The following ZFHX3 variants were observed in gnomAD, a reference collection of about 807,000 sequenced individuals.
ZFHX3 encodes zinc finger homeobox 3, also known as zinc finger homeobox protein 3.
In ZFHX3, 42 loss-of-function variants were observed where a neutral mutation model predicts 279.1. The observed-to-expected ratio is 0.15, with a 90% CI of 0.12 to 0.19. ZFHX3 has a LOEUF of 0.19. ZFHX3 is among the 10% of genes least tolerant of loss of function. The pLI, the probability that ZFHX3 is intolerant of heterozygous loss-of-function variation, is 1.00. For synonymous variants in ZFHX3, 2,293 were observed against 1,957.8 expected (o/e 1.17, Z -4.52); for missense variants, 4,981 against 4,754.0 (o/e 1.05, Z -1.40).
At chr16:73,854,727 CAAA>C (rs60003447) in intron 1 of ZFHX3, among the ~76,000 whole-genome samples, 253 of 59,552 alleles carry the variant, frequency 4.2e-3, no homozygotes, top group Middle Eastern at 0.028. Context: ...CCACCTTCCA[CAAA>C]AAAAAAAAAA....
intron 4 of ZFHX3, among the ~76,000 whole-genome samples, chr16:73,284,024 T>C (rs1177053096): frequency 6.6e-6 from 1 of 151,414 alleles, no homozygotes; most frequent in Non-Finnish European, 1.5e-5. Context: ...GAGAAGAAAA[T>C]AAATATGATC....
chr16:73,589,143 C>A (rs1403413835), intron 2 of ZFHX3, among the ~76,000 whole-genome samples: 1 of 150,754 alleles, frequency 6.6e-6, no homozygotes, highest in Non-Finnish European at 1.5e-5. Context: ...GCCTGTAATC[C>A]CAGCTACTCA....
At chr16:72,809,689 T>A (rs978465197) in intron 7 of ZFHX3, 1 of 152,176 alleles carries the variant, frequency 6.6e-6, no homozygotes, top group East Asian at 1.9e-4. Context: ...CCAAATGGAA[T>A]AGAAAATGCC....
chr16:73,588,702 C>CAAAAAAAA (rs35658515), intron 2 of ZFHX3, among the ~76,000 whole-genome samples: 251 of 56,324 alleles, frequency 4.5e-3, no homozygotes, highest in African/African-American at 0.014. Flanking sequence ...AAACAAAAAA[C>CAAAAAAAA]AAAACAAAAA....
intron 1 of ZFHX3, among the ~76,000 whole-genome samples, chr16:73,029,067 C>CA (rs1392116878): frequency 6.6e-6 from 1 of 152,144 alleles, no homozygotes; most frequent in East Asian, 1.9e-4. Flanking sequence ...GCACCTTCCT[C>CA]AAGCCCAGCA....
chr16:72,923,387 G>C (rs1959251096), intron 3 of ZFHX3, among the ~76,000 whole-genome samples: 1 of 150,708 alleles, frequency 6.6e-6, no homozygotes, highest in Non-Finnish European at 1.5e-5. Context: ...AGAGGCTGCA[G>C]TGAGCTGTGA....
At chr16:72,974,729 A>T (rs1465503290) in intron 1 of ZFHX3, among the ~76,000 whole-genome samples, 1 of 152,230 alleles carries the variant, frequency 6.6e-6, no homozygotes, top group Admixed American at 6.5e-5. Flanking sequence ...TGTAAGGTAG[A>T]GACATTGGTA....
intron 3 of ZFHX3, among the ~76,000 whole-genome samples, chr16:73,429,458 G>C (rs950637169): frequency 6.6e-6 from 1 of 151,862 alleles, no homozygotes; most frequent in Non-Finnish European, 1.5e-5. Flanking sequence ...TTAGCCTCCT[G>C]AGTAGCTGGG....
At chr16:73,372,407 G>A (rs2016646643) in intron 3 of ZFHX3, among the ~76,000 whole-genome samples, 1 of 152,084 alleles carries the variant, frequency 6.6e-6, no homozygotes, top group Non-Finnish European at 1.5e-5. Flanking sequence ...AATTACGCAA[G>A]TCATTTGTCA....
chr16:72,805,190 C>T (rs1252580019), intron 7 of ZFHX3, among the ~76,000 whole-genome samples: 2 of 152,068 alleles, frequency 1.3e-5, no homozygotes, highest in East Asian at 3.9e-4. Flanking sequence ...CCATGTTGGC[C>T]AGGCTGGTCT....
chr16:73,306,953 A>G (rs1291327029), intron 4 of ZFHX3, among the ~76,000 whole-genome samples: 1 of 152,220 alleles, frequency 6.6e-6, no homozygotes, highest in African/African-American at 2.4e-5. Flanking sequence ...TCACTGATCA[A>G]GTTACCAATG....
chr16:73,276,166 CCTTT>C (rs2014295081), intron 4 of ZFHX3, among the ~76,000 whole-genome samples: 1 of 149,330 alleles, frequency 6.7e-6, no homozygotes, highest in Admixed American at 6.7e-5. Context: ...TTCTTTTCTT[CCTTT>C]TTCTTTCTTT....
intron 8 of ZFHX3, among the ~76,000 whole-genome samples, chr16:73,064,816 A>C (rs1965726421): frequency 1.3e-5 from 2 of 152,176 alleles, no homozygotes; most frequent in African/African-American, 4.8e-5. Context: ...TCTGAAATCC[A>C]ACCTTGGGGC....
intron 1 of ZFHX3, among the ~76,000 whole-genome samples, chr16:73,715,638 T>A (rs941649922): frequency 5.5e-5 from 8 of 145,350 alleles, no homozygotes; most frequent in Non-Finnish European, 9.0e-5. Context: ...AATGGTGCGA[T>A]CTCGGCTCTC....
chr16:73,416,893 T>G (rs1431396643), intron 3 of ZFHX3, among the ~76,000 whole-genome samples: 2 of 151,986 alleles, frequency 1.3e-5, no homozygotes, highest in South Asian at 2.1e-4. Context: ...AAAAAGCAAG[T>G]TGAGGAGTAG....
chr16:72,987,285 C>T (rs1962888678), intron 1 of ZFHX3, among the ~76,000 whole-genome samples: 1 of 152,216 alleles, frequency 6.6e-6, no homozygotes, highest in Non-Finnish European at 1.5e-5. Flanking sequence ...CTGTAATAGA[C>T]TTCTACAGCA....
intron 1 of ZFHX3, among the ~76,000 whole-genome samples, chr16:72,960,532 G>C (rs998005649): frequency 6.6e-6 from 1 of 152,140 alleles, no homozygotes; most frequent in East Asian, 1.9e-4. Flanking sequence ...GGCCACAGTG[G>C]AGAACGGACG....
At chr16:72,921,033 C>G (rs924170636) in intron 3 of ZFHX3, among the ~76,000 whole-genome samples, 5 of 119,074 alleles carry the variant, frequency 4.2e-5, no homozygotes, top group African/African-American at 1.6e-4. Context: ...GATCCCGCCA[C>G]TATTCTACAG....
intron 5 of ZFHX3, among the ~76,000 whole-genome samples, chr16:73,191,818 G>C (rs987072203): frequency 3.3e-5 from 5 of 152,196 alleles, no homozygotes; most frequent in Admixed American, 6.5e-5. Flanking sequence ...TAAAAGAGGG[G>C]AAGGAGAAAA....
Sources: allele counts gnomAD v4.1 joint callset (sites outside exome capture counted in the v4.1 genomes callset), GRCh38; gene constraint gnomAD v4.1.1; transcripts MANE v1.5; gene names NCBI Gene and HGNC (gene_info 2026-07-23, HGNC 2026-07-21).